Variants in EYS observed in about 807,000 individuals in gnomAD.
EYS encodes the protein protein eyes shut homolog.
A neutral mutation model predicts 282.1 loss-of-function variants in EYS; 250 were observed. The observed-to-expected ratio is 0.89, with a 90% CI of 0.80 to 0.98. EYS has a LOEUF of 0.98. Ranked by LOEUF, EYS falls within the 50% of genes least tolerant of loss-of-function variation. EYS has a pLI of 0.00. For missense variants in EYS, 4,016 were observed against 3,709.0 expected, an observed-to-expected ratio of 1.08 and a Z score of -2.15; for synonymous variants, 1,355 against 1,282.9, an observed-to-expected ratio of 1.06 and a Z score of -1.20.
intron 19 of EYS, among the ~76,000 whole-genome samples, chr6:64,833,792 A>T (rs1260757318): frequency 6.6e-6 from 1 of 151,916 alleles, no homozygotes; most frequent in Middle Eastern, 3.2e-3. Context: ...ATAATTAAAA[A>T]AATGTAAGAT....
intron 5 of EYS, among the ~76,000 whole-genome samples, chr6:65,461,786 C>T (rs1764835333): frequency 6.6e-6 from 1 of 151,588 alleles, no homozygotes; most frequent in African/African-American, 2.4e-5. Context: ...AACAGTAAAA[C>T]AACCATTATT....
At chr6:64,911,332 T>C (rs1042609471) in intron 16 of EYS, among the ~76,000 whole-genome samples, 1 of 152,168 alleles carries the variant, frequency 6.6e-6, no homozygotes, top group African/African-American at 2.4e-5. Context: ...GCCCATGCTA[T>C]TTTTGCAAAA....
chr6:65,472,530 C>T (rs1765253320), intron 5 of EYS, among the ~76,000 whole-genome samples: 1 of 151,956 alleles, frequency 6.6e-6, no homozygotes, highest in Admixed American at 6.6e-5. Flanking sequence ...ATTTCCTGAA[C>T]AACTCTTCAT....
intron 26 of EYS, among the ~76,000 whole-genome samples, chr6:64,583,985 A>G (rs952684682): frequency 1.3e-5 from 2 of 152,114 alleles, no homozygotes; most frequent in African/African-American, 4.8e-5. Flanking sequence ...ACTTTTTTCA[A>G]TTGATTTCCT....
At chr6:64,535,568 T>C (rs1425311433) in intron 26 of EYS, among the ~76,000 whole-genome samples, 1 of 80,682 alleles carries the variant, frequency 1.2e-5, no homozygotes, top group Non-Finnish European at 2.3e-5. Flanking sequence ...TGAGACTTTG[T>C]TTCTACCAAA....
chr6:64,592,540 C>G (rs1193080114), intron 25 of EYS, among the ~76,000 whole-genome samples: 1 of 152,046 alleles, frequency 6.6e-6, no homozygotes, highest in Non-Finnish European at 1.5e-5. Flanking sequence ...TTGCTAAGGG[C>G]TACAATTCTT....
At chr6:63,731,258 T>C (rs1246789753) in intron 41 of EYS, among the ~76,000 whole-genome samples, 1 of 152,178 alleles carries the variant, frequency 6.6e-6, no homozygotes, top group Admixed American at 6.5e-5. Context: ...GTCATAATGA[T>C]TCCATTTTAT....
At chr6:65,490,530 T>G in intron 5 of EYS, 64 bp downstream of exon 5, 2 of 885,090 alleles carry the variant, frequency 2.3e-6, no homozygotes, top group South Asian at 1.4e-5. Flanking sequence ...CACATTTAAT[T>G]TGAAATACAT....
intron 31 of EYS, among the ~76,000 whole-genome samples, chr6:64,096,511 T>C (rs1772620208): frequency 1.3e-5 from 2 of 152,242 alleles, no homozygotes; most frequent in Non-Finnish European, 2.9e-5. Flanking sequence ...TCATCTTCCA[T>C]CATTGATACC....
rs548178448 is a variant in EYS at position 65,150,304 on chromosome 6, T to A, written c.2024-92577A>T. Among the ~76,000 whole-genome samples the A allele has an allele frequency of 4.6e-5, 7 of 152,186 alleles. No homozygotes were observed. In the South Asian group the frequency reaches 1.5e-3, roughly 32 times the overall value. On this transcript the variant is annotated intron_variant, in intron 12 of 42. Coordinates refer to ENST00000503581, the MANE Select transcript of EYS (RefSeq NM_001142800.2). ...CTTATTTCAGGAAGATTTATCAAGG[T>A]GTAGATTTTCTGGTTAATTTAGGAG...
Position 65,020,548 on chromosome 6 carries a change from C to T in EYS, c.2138-22845G>A, listed in dbSNP as rs563998395. 9.8e-5 allele frequency among the ~76,000 whole-genome samples: 15 copies of T among 152,312 alleles called. 2 individuals carry two copies. The highest frequency in any genetic ancestry group is 3.4e-4 in the African/African-American group (14 of 41,578). On this transcript the variant is annotated intron_variant, in intron 13 of 42. Transcript: ENST00000503581. ...TCTCGATCCTAGCTGCTTTCACAGG[C>T]TGGCATTGGGTGTCTGCTACTTTTC... is the stretch of plus-strand genomic sequence containing the variant.
chr6:64,642,957 A>C (rs1768210854), intron 22 of EYS, among the ~76,000 whole-genome samples: 1 of 152,224 alleles, frequency 6.6e-6, no homozygotes, highest in African/African-American at 2.4e-5. Flanking sequence ...CTCTACTAGA[A>C]GTACAAAATT....
intron 2 of EYS, among the ~76,000 whole-genome samples, chr6:65,622,456 A>G (rs148357080): frequency 9.4e-4 from 143 of 152,062 alleles, no homozygotes; most frequent in Non-Finnish European, 1.6e-3. Flanking sequence ...TAATATTATC[A>G]TTATTAAAAT....
intron 35 of EYS, among the ~76,000 whole-genome samples, chr6:63,870,531 A>T (rs1021555075): frequency 6.6e-6 from 1 of 152,182 alleles, no homozygotes; most frequent in Non-Finnish European, 1.5e-5. Flanking sequence ...ATGAGAATTT[A>T]ATTTTTTTTG....
chr6:64,786,783 C>A (rs1044253221), intron 22 of EYS, among the ~76,000 whole-genome samples: 1 of 152,146 alleles, frequency 6.6e-6, no homozygotes, highest in Non-Finnish European at 1.5e-5. Flanking sequence ...CCCAGGGGAC[C>A]TGACCTTGGC....
At chr6:64,612,051 A>G (rs1056367811) in intron 24 of EYS, among the ~76,000 whole-genome samples, 2 of 152,162 alleles carry the variant, frequency 1.3e-5, no homozygotes, top group African/African-American at 2.4e-5. Flanking sequence ...AAACATAGAC[A>G]TACATCAAAA....
intron 33 of EYS, among the ~76,000 whole-genome samples, chr6:64,033,999 A>G (rs925643148): frequency 1.3e-5 from 2 of 152,182 alleles, no homozygotes; most frequent in Middle Eastern, 3.2e-3. Context: ...AGGAGCACTG[A>G]TTTAATTAAC....
intron 12 of EYS, among the ~76,000 whole-genome samples, chr6:65,084,009 A>G (rs1774295468): frequency 6.6e-6 from 1 of 151,874 alleles, no homozygotes. Context: ...AAATATGCTG[A>G]AAAATATTTT....
At chr6:65,009,650 C>T (rs187238100) in intron 13 of EYS, among the ~76,000 whole-genome samples, 51 of 152,314 alleles carry the variant, frequency 3.3e-4, no homozygotes, top group African/African-American at 1.2e-3. Flanking sequence ...CATACCTGGA[C>T]ACTCTTGTCC....
Sources: allele counts gnomAD v4.1 joint callset (sites outside exome capture counted in the v4.1 genomes callset), GRCh38; gene constraint gnomAD v4.1.1; transcripts MANE v1.5; gene names NCBI Gene and HGNC (gene_info 2026-07-23, HGNC 2026-07-21).